Variants in SLC4A1AP observed in about 807,000 individuals in gnomAD.
The protein encoded by SLC4A1AP is kanadaptin.
In SLC4A1AP, 64 loss-of-function variants were observed where a neutral mutation model predicts 89.7. The ratio of observed to expected loss-of-function variants is 0.71; its 90% CI spans 0.58 to 0.88. The LOEUF (loss-of-function observed/expected upper bound fraction) is 0.88, where lower values mean the gene tolerates loss of function less well. SLC4A1AP is among the 40% of genes least tolerant of loss of function. SLC4A1AP has a pLI of 0.00. For synonymous variants in SLC4A1AP, 366 were observed against 353.3 expected (o/e 1.04, Z -0.40); for missense variants, 931 against 965.0 (o/e 0.96, Z 0.47).
At chr2:27,682,501 TC>T in intron 9 of SLC4A1AP, 142 bp downstream of exon 9, 2 of 514,324 alleles carry the variant, frequency 3.9e-6, no homozygotes, top group Non-Finnish European at 6.9e-6. Context: ...ATCACATCTT[TC>T]CCAGAACTTG....
intron 5 of SLC4A1AP, among the ~76,000 whole-genome samples, chr2:27,670,336 A>C (rs1675401584): frequency 6.6e-6 from 1 of 151,974 alleles, no homozygotes; most frequent in African/African-American, 2.4e-5. Context: ...ATATGTATCA[A>C]TACATTAATT....
chr2:27,668,563 C>A (rs1020090729), intron 3 of SLC4A1AP: 3 of 590,364 alleles, frequency 5.1e-6, no homozygotes, highest in Non-Finnish European at 9.5e-6. Flanking sequence ...TATGCTCCGG[C>A]CTTAGCCCCC....
At chr2:27,678,407 C>T (rs1349980594) in intron 8 of SLC4A1AP, among the ~76,000 whole-genome samples, 2 of 152,072 alleles carry the variant, frequency 1.3e-5, no homozygotes, top group Non-Finnish European at 2.9e-5. Context: ...TTGGAGCACA[C>T]CTGTGGTCCC....
At chr2:27,690,475 T>A (rs991528472) in intron 12 of SLC4A1AP, among the ~76,000 whole-genome samples, 6 of 152,018 alleles carry the variant, frequency 3.9e-5, no homozygotes, top group Admixed American at 1.3e-4. Flanking sequence ...TGCAAAAAAA[T>A]TTTATTTTTT....
intron 5 of SLC4A1AP, among the ~76,000 whole-genome samples, chr2:27,670,922 C>CT (rs34481114): frequency 0.17 from 18,792 of 111,882 alleles, 2,256 homozygotes; most frequent in East Asian, 0.27. Context: ...CTTTTCTTTT[C>CT]TTTTTTTTTT....
intron 11 of SLC4A1AP, 126 bp downstream of exon 11, chr2:27,688,146 GC>G (rs1675734474): frequency 2.9e-6 from 2 of 685,076 alleles, no homozygotes; most frequent in East Asian, 5.8e-5. Context: ...TTGCCACTAG[GC>G]CCCTGGACAA....
chr2:27,694,527 A>G, intron 13 of SLC4A1AP, 107 bp from the exon 14 acceptor site: 1 of 712,506 alleles, frequency 1.4e-6, no homozygotes, highest in Non-Finnish European at 2.2e-6. Flanking sequence ...CCGTAGAATA[A>G]ACCTTTTTGT....
At chr2:27,694,859 A>G (rs569706980) in exon 14 of SLC4A1AP, 2 of 445,060 alleles carry the variant, frequency 4.5e-6, no homozygotes, top group African/African-American at 4.0e-5. Context: ...ATTCTCATGC[A>G]TTTGATATTT....
chr2:27,682,131 A>G, intron 8 of SLC4A1AP, 117 bp from the exon 9 acceptor site: 1 of 642,034 alleles, frequency 1.6e-6, no homozygotes, highest in East Asian at 2.8e-5. Flanking sequence ...ATGCTTAGAT[A>G]TTCATTTTGT....
Position 27,680,040 on chromosome 2 carries a change from G to A in SLC4A1AP, c.1763+2116G>A, listed in dbSNP as rs61560806. Among the ~76,000 whole-genome samples the A allele has an allele frequency of 6.6e-3, 1,009 of 152,214 alleles. 10 individuals carry two copies. The highest frequency in any genetic ancestry group is 0.023 in the African/African-American group (961 of 41,530). On this transcript the variant is annotated intron_variant, in intron 8 of 13. Coordinates refer to ENST00000613058, the Ensembl canonical transcript of SLC4A1AP. ...ACCCTGTCCCCCCAACCCTTCATTGGTCATAGGCTGCCGGTGACTGGGGGG... is the reference window on the plus strand; with the variant it reads ...ACCCTGTCCCCCCAACCCTTCATTGATCATAGGCTGCCGGTGACTGGGGGG...
At chr2:27,675,507 T>G in intron 5 of SLC4A1AP, 25 bp from the exon 6 acceptor site, 1 of 1,505,480 alleles carries the variant, frequency 6.6e-7, no homozygotes, top group Non-Finnish European at 9.0e-7. Flanking sequence ...AAAACTTATT[T>G]ATTCATCATT....
At chr2:27,681,691 G>C (rs184264648) in intron 8 of SLC4A1AP, among the ~76,000 whole-genome samples, 4 of 152,068 alleles carry the variant, frequency 2.6e-5, no homozygotes, top group Non-Finnish European at 5.9e-5. Flanking sequence ...TTGTCCTAAT[G>C]GGCTTAGCTT....
In SLC4A1AP at chr2:27,665,300, G is replaced by T; in HGVS notation, c.1021+5G>T. Reference sequence around the variant, plus strand: ...TGGGTTGCACCTGGGGAATGGGTAAGAAATTAAAATTGCTGCCGGAGGTTA... The same window carrying T: ...TGGGTTGCACCTGGGGAATGGGTAATAAATTAAAATTGCTGCCGGAGGTTA... On this transcript the variant is annotated splice_donor_5th_base_variant and intron_variant, in intron 2 of 13. Coordinates refer to ENST00000613058, the Ensembl canonical transcript of SLC4A1AP. 1 of 1,583,968 alleles carries T rather than the reference G, an allele frequency of 6.3e-7. No individual in the cohort carries two copies. The highest frequency in any genetic ancestry group is 1.1e-5 in the South Asian group (1 of 87,074).
chr2:27,671,402 G>T (rs1675426483), intron 5 of SLC4A1AP, among the ~76,000 whole-genome samples: 2 of 152,094 alleles, frequency 1.3e-5, no homozygotes, highest in Admixed American at 6.5e-5. Context: ...TAATAATTGC[G>T]TTTGCTTTTC....
rs1400382224 is a variant in SLC4A1AP at position 27,664,002 on chromosome 2, G to A, written c.250G>A (p.Ala84Thr). The A allele has an allele frequency of 3.1e-6, 5 of 1,614,118 alleles. No individual in the cohort carries two copies. Among genetic ancestry groups the A allele is most frequent in the Non-Finnish European group, 4.2e-6 (5 of 1,180,050 alleles). ...GAAGCCAGCTCTGCCGGTGTCCCCA[G>A]CGGCGCGGAGTAAGGCCCCGGCCAG... is the stretch of plus-strand genomic sequence containing the variant. Residue 84 changes from alanine to threonine, a missense_variant, in exon 1 of 14, where the codon GCG (alanine) becomes ACG (threonine). Transcript: ENST00000613058.
intron 5 of SLC4A1AP, among the ~76,000 whole-genome samples, chr2:27,671,632 T>C (rs1376045045): frequency 6.6e-6 from 1 of 152,222 alleles, no homozygotes; most frequent in Non-Finnish European, 1.5e-5. Context: ...CCTTAAGATT[T>C]CTTTGTCCTT....
At chr2:27,677,230 C>A in intron 6 of SLC4A1AP, 65 bp from the exon 7 acceptor site, 2 of 1,008,210 alleles carry the variant, frequency 2.0e-6, no homozygotes, top group Non-Finnish European at 3.1e-6. Flanking sequence ...ATAATTAAAA[C>A]AGGAGGATGA....
chr2:27,669,219 G>C, intron 4 of SLC4A1AP, 29 bp from the exon 5 acceptor site: 3 of 1,581,466 alleles, frequency 1.9e-6, no homozygotes, highest in Non-Finnish European at 2.6e-6. Context: ...GCTTAATGCT[G>C]TGCTATAATT....
intron 1 of SLC4A1AP, 136 bp from the exon 2 acceptor site, chr2:27,664,964 G>A (rs1306998883): frequency 3.2e-6 from 2 of 620,130 alleles, no homozygotes; most frequent in Admixed American, 3.2e-5. Flanking sequence ...GGCTGAGGTG[G>A]GAGGATCACC....
Sources: allele counts gnomAD v4.1 joint callset (sites outside exome capture counted in the v4.1 genomes callset), GRCh38; gene constraint gnomAD v4.1.1; transcripts MANE v1.5; gene names NCBI Gene and HGNC (gene_info 2026-07-23, HGNC 2026-07-21).